ATP1A1: variants seen among roughly 807,000 people sequenced by gnomAD.
ATP1A1 encodes ATPase Na+/K+ transporting subunit alpha 1, also known as sodium/potassium-transporting ATPase subunit alpha-1.
Under a neutral mutation model 114.8 loss-of-function variants are expected in ATP1A1, and 14 were observed. That is an observed-to-expected ratio of 0.12 (90% CI 0.08 to 0.19). The LOEUF (loss-of-function observed/expected upper bound fraction) is 0.19. ATP1A1 is among the 10% of genes least tolerant of loss of function. The pLI is 1.00. For synonymous variants in ATP1A1, 471 were observed against 466.3 expected (o/e 1.01, Z -0.13); for missense variants, 524 against 1,290.7 (o/e 0.41, Z 9.10).
At chr1:116,386,965 A>G (rs2101042165) in intron 3 of ATP1A1, among the ~76,000 whole-genome samples, 1 of 152,354 alleles carries the variant, frequency 6.6e-6, no homozygotes, top group Admixed American at 6.5e-5. Context: ...CCTTTTTGGC[A>G]GAAATGCAAT....
rs1424586996 is a variant in ATP1A1 at position 116,374,163 on chromosome 1, C to T, written c.12+640C>T. ...CGCCCTCCCCCAAAGAAAAAACTGG[C>T]TGCTTCTAAGTGCGAAGCCGGCTGG... is the stretch of plus-strand genomic sequence containing the variant. On this transcript the variant is annotated intron_variant, in intron 1 of 22. Coordinates refer to ENST00000295598, the MANE Select transcript of ATP1A1 (RefSeq NM_000701.8). 10 of 1,549,378 alleles carry T rather than the reference C, an allele frequency of 6.5e-6. No individual in the cohort carries two copies. In the East Asian group the frequency reaches 9.8e-5, roughly 15 times the overall value.
At position 116,393,381 on chromosome 1, in the gene ATP1A1, T is replaced by G. The variant is rs1364685797; in HGVS notation, c.1468-150T>G. ...TTTTTTTTCTGTAGCATTCAAAGTA[T>G]GTTACAGGTGTAAGATACTTCAGAG... On this transcript the variant is annotated intron_variant, in intron 11 of 22. Coordinates refer to ENST00000295598, the MANE Select transcript of ATP1A1 (RefSeq NM_000701.8). This position sits in a 1 kb window ranked among gnomAD's most constrained non-coding sequence, Gnocchi z 5.0. 1.2e-6 allele frequency: 1 copy of G among 810,350 alleles called. No individual in the cohort carries two copies. Among genetic ancestry groups the G allele is most frequent in the East Asian group, 2.6e-5 (1 of 38,408 alleles). The allele number at this position is 810,350 out of a possible 1,614,324, so 50.2% of individuals were successfully genotyped here. A position where few individuals can be genotyped will look rare whatever the true frequency, so the allele number is the denominator to read the frequency against.
chr1:116,394,117 C>T (rs1470150521), intron 12 of ATP1A1, among the ~76,000 whole-genome samples: 1 of 152,138 alleles, frequency 6.6e-6, no homozygotes, highest in African/African-American at 2.4e-5. Flanking sequence ...CTAAGTTAGA[C>T]ATACTATTTC....
At chr1:116,373,951 CT>C in intron 1 of ATP1A1, 2 of 1,349,940 alleles carry the variant, frequency 1.5e-6, no homozygotes, top group Non-Finnish European at 1.9e-6. Flanking sequence ...CTTCTCCTTC[CT>C]TTTCCCTCCG....
chr1:116,374,044 C>T (rs1047478408), intron 1 of ATP1A1: 28 of 1,405,010 alleles, frequency 2.0e-5, no homozygotes, highest in Middle Eastern at 5.4e-4. Flanking sequence ...CCTCCGTTCC[C>T]GCCGCGGCCC....
In ATP1A1 at chr1:116,387,323, G is replaced by A. The variant is rs147430340; in HGVS notation, c.219G>A (p.Ala73=). 3.2e-5 allele frequency: 51 copies of A among 1,614,018 alleles called. No individual in the cohort carries two copies. Among genetic ancestry groups the A allele is most frequent in the Middle Eastern group, 3.3e-4 (2 of 6,078 alleles). Residue 73 remains alanine (A), a synonymous_variant, in exon 4 of 23, where the codon GCG becomes GCA. Coordinates refer to ENST00000295598, the MANE Select transcript of ATP1A1 (RefSeq NM_000701.8). This position sits in a 1 kb window ranked among gnomAD's most constrained non-coding sequence, Gnocchi z 6.7. ...LTSARAAEIL[A]RDGPNALTPP... is the part of the protein sequence containing the mutation. ...CTGCTCGTGCAGCTGAGATCCTGGC[G>A]CGAGATGGTCCCAACGCCCTCACTC...
chr1:116,390,493 C>CT (rs1388371496), intron 9 of ATP1A1, 82 bp downstream of exon 9: 36,163 of 829,812 alleles, frequency 0.044, 249 homozygotes, highest in African/African-American at 0.14. Flanking sequence ...CATGAAATTT[C>CT]TTTTTTTTTT....
intron 1 of ATP1A1, among the ~76,000 whole-genome samples, chr1:116,378,752 C>T (rs1200924990): frequency 6.6e-6 from 1 of 152,186 alleles, no homozygotes. Context: ...CTTCAGGGTA[C>T]TAATTGAGGA....
chr1:116,388,270 G>T lies in ATP1A1; in HGVS notation c.501+26G>T. The stretch of plus-strand genomic sequence containing the variant: ...GTACCAGACGCTTTGTCCTTCCCCA[G>T]TGGATGACTTGACAGCCCCAAGCAT... On this transcript the variant is annotated intron_variant, in intron 5 of 22. Transcript: ENST00000295598. This position sits in a 1 kb window ranked among gnomAD's most constrained non-coding sequence, Gnocchi z 5.6. The T allele has an allele frequency of 6.5e-7, 1 of 1,548,678 alleles. No individual in the cohort carries two copies. The highest frequency in any genetic ancestry group is 8.9e-7 in the Non-Finnish European group (1 of 1,120,934).
chr1:116,401,931 T>G lies in ATP1A1; in HGVS notation c.2951+276T>G, dbSNP rs1234734647. ...GGAACTGCTCAACAGCGAACTGCATTGAGCACTCAGGTCTGCCACAGCTGT... is the reference window on the plus strand; with the variant it reads ...GGAACTGCTCAACAGCGAACTGCATGGAGCACTCAGGTCTGCCACAGCTGT... On this transcript the variant is annotated intron_variant, in intron 21 of 22. Transcript: ENST00000295598. The surrounding 1 kb of genome is among the most constrained non-coding windows in gnomAD (Gnocchi z 4.7). 4.6e-6 allele frequency: 2 copies of G among 437,080 alleles called. No individual in the cohort carries two copies. The highest frequency in any genetic ancestry group is 8.5e-5 in the East Asian group (2 of 23,470). The allele number at this position is 437,080 out of a possible 1,614,324, so 27.1% of individuals were successfully genotyped here. A position where few individuals can be genotyped will look rare whatever the true frequency, so the allele number is the denominator to read the frequency against.
intron 1 of ATP1A1, among the ~76,000 whole-genome samples, chr1:116,378,453 G>C (rs1651512319): frequency 6.6e-6 from 1 of 152,164 alleles, no homozygotes; most frequent in Non-Finnish European, 1.5e-5. Flanking sequence ...CTTTGTCCTT[G>C]GGACTTGTAT....
chr1:116,377,753 C>A (rs530829425), intron 1 of ATP1A1, among the ~76,000 whole-genome samples: 99 of 152,304 alleles, frequency 6.5e-4, no homozygotes, highest in South Asian at 1.0e-3. Flanking sequence ...AGAAGAAACC[C>A]GAGTGTCAGA....
intron 10 of ATP1A1, chr1:116,392,446 A>G (rs10924081): frequency 0.25 from 38,597 of 156,966 alleles, 13,586 homozygotes; most frequent in African/African-American, 0.79. Flanking sequence ...TAAATGTTTA[A>G]TCTCTCACTT....
chr1:116,383,940 C>G (rs1274032133), intron 1 of ATP1A1, 74 bp from the exon 2 acceptor site: 3 of 1,268,718 alleles, frequency 2.4e-6, no homozygotes, highest in Non-Finnish European at 3.4e-6. Flanking sequence ...CTACCAAAAT[C>G]CCCTGCTCCA....
chr1:116,373,928 C>T (rs2101025888), intron 1 of ATP1A1: 3 of 1,312,522 alleles, frequency 2.3e-6, no homozygotes, highest in Admixed American at 3.7e-5. Flanking sequence ...CTCCCTGCGA[C>T]CGCCGTCACC....
Position 116,397,958 on chromosome 1 carries a change from T to C in ATP1A1, c.2044T>C (p.Leu682=). 6.2e-7 allele frequency: 1 copy of C among 1,613,972 alleles called. No individual in the cohort carries two copies. Among genetic ancestry groups the C allele is most frequent in the Non-Finnish European group, 8.5e-7 (1 of 1,179,988 alleles). ...DMTSEQLDDI[L]KYHTEIVFAR... ...GACCTCCGAGCAGCTGGATGACATTTTGAAGTACCACACTGAGATAGTGTT... is the reference window on the plus strand; with the variant it reads ...GACCTCCGAGCAGCTGGATGACATTCTGAAGTACCACACTGAGATAGTGTT... Residue 682 remains leucine, a synonymous_variant, in exon 15 of 23, where the codon TTG becomes CTG. Coordinates refer to ENST00000295598, the MANE Select transcript of ATP1A1 (RefSeq NM_000701.8). This position sits in a 1 kb window ranked among gnomAD's most constrained non-coding sequence, Gnocchi z 4.2.
intron 12 of ATP1A1, among the ~76,000 whole-genome samples, chr1:116,394,346 A>G (rs992402853): frequency 6.6e-6 from 1 of 152,222 alleles, no homozygotes; most frequent in East Asian, 1.9e-4. Context: ...CATTATTTAT[A>G]TAATGCTTCC....
Position 116,401,186 on chromosome 1 carries a change from T to C in ATP1A1, c.2775T>C (p.Ser925=). The C allele has an allele frequency of 6.2e-7, 1 of 1,614,160 alleles. No homozygotes were observed. The highest frequency in any genetic ancestry group is 8.5e-7 in the Non-Finnish European group (1 of 1,180,022). Residue 925 remains serine, a synonymous_variant, in exon 20 of 23, where the codon AGT becomes AGC. Transcript: ENST00000295598. The surrounding 1 kb of genome is among the most constrained non-coding windows in gnomAD (Gnocchi z 4.7). ...EFTCHTAFFV[S]IVVVQWADLV... ...CCTGCCACACAGCCTTCTTCGTCAGTATCGTGGTGGTGCAGTGGGCCGACT... is the reference window on the plus strand; with the variant it reads ...CCTGCCACACAGCCTTCTTCGTCAGCATCGTGGTGGTGCAGTGGGCCGACT...
At chr1:116,374,036 T>A in intron 1 of ATP1A1, 1 of 1,406,448 alleles carries the variant, frequency 7.1e-7, no homozygotes, top group African/African-American at 1.5e-5. Context: ...CTCCCGGGCC[T>A]CCGTTCCCGC....
Sources: gnomAD v4.1 joint callset for allele counts (sites outside exome capture counted in the v4.1 genomes callset) on GRCh38, gnomAD v4.1.1 for gene constraint, Gnocchi (gnomAD v3.1) non-coding constraint, MANE v1.5 for transcripts, NCBI Gene and HGNC (gene_info 2026-07-23, HGNC 2026-07-21) for gene names.